TIMMDC1: variants seen among roughly 807,000 people sequenced by gnomAD.
The protein encoded by TIMMDC1 is complex I assembly factor TIMMDC1, mitochondrial.
TIMMDC1 carries 25 observed loss-of-function variants against 32.6 expected under a neutral mutation model. That is an observed-to-expected ratio of 0.77 (90% CI 0.56 to 1.07). TIMMDC1 has a LOEUF of 1.07. Among genes scored for constraint, TIMMDC1 ranks in the 50% least tolerant of loss-of-function variants. TIMMDC1 has a pLI of 0.00. For synonymous variants in TIMMDC1, 130 were observed against 127.6 expected (o/e 1.02, Z -0.13); for missense variants, 329 against 349.2 (o/e 0.94, Z 0.46).
chr3:119,517,136 A>G, intron 5 of TIMMDC1, 69 bp from the exon 6 acceptor site: 1 of 929,532 alleles, frequency 1.1e-6, no homozygotes, highest in Non-Finnish European at 1.7e-6. Context: ...ACACCTTAGC[A>G]GAGAATCTCA....
chr3:119,518,056 G>A (rs953991074), intron 6 of TIMMDC1, among the ~76,000 whole-genome samples: 1 of 149,600 alleles, frequency 6.7e-6, no homozygotes, highest in African/African-American at 2.5e-5. Context: ...ATTTCTTGCT[G>A]TAGATGCAGA....
chr3:119,503,091 A>G (rs1292463979), intron 2 of TIMMDC1, among the ~76,000 whole-genome samples: 3 of 152,202 alleles, frequency 2.0e-5, no homozygotes, highest in Non-Finnish European at 4.4e-5. Flanking sequence ...AATTCATTAC[A>G]GGTTGAGCAG....
At chr3:119,517,955 G>A (rs965928587) in intron 6 of TIMMDC1, among the ~76,000 whole-genome samples, 8 of 150,424 alleles carry the variant, frequency 5.3e-5, no homozygotes, top group African/African-American at 1.5e-4. Flanking sequence ...AGCAAGACTC[G>A]GTCTCAAAAA....
intron 4 of TIMMDC1, among the ~76,000 whole-genome samples, chr3:119,508,709 A>T (rs916675830): frequency 1.3e-5 from 2 of 152,186 alleles, no homozygotes; most frequent in Non-Finnish European, 2.9e-5. Context: ...CAGGTTCTCA[A>T]GTCATTTTGG....
chr3:119,505,739 G>A (rs1353601551), intron 4 of TIMMDC1, among the ~76,000 whole-genome samples: 1 of 152,136 alleles, frequency 6.6e-6, no homozygotes, highest in African/African-American at 2.4e-5. Context: ...ATAATACAAA[G>A]GGCAGTCTCT....
At chr3:119,508,060 C>T (rs1028534497) in intron 4 of TIMMDC1, among the ~76,000 whole-genome samples, 5 of 152,160 alleles carry the variant, frequency 3.3e-5, no homozygotes, top group Admixed American at 6.5e-5. Context: ...AACCATTTAT[C>T]TTGAGGGCAG....
intron 4 of TIMMDC1, among the ~76,000 whole-genome samples, chr3:119,512,434 A>G (rs921913595): frequency 1.3e-5 from 2 of 152,016 alleles, no homozygotes; most frequent in Admixed American, 1.3e-4. Flanking sequence ...GTGTGCCGCC[A>G]TGCCCGGCTA....
At chr3:119,500,670 C>T in intron 1 of TIMMDC1, 25 bp from the exon 2 acceptor site, 8 of 1,602,620 alleles carry the variant, frequency 5.0e-6, no homozygotes, top group Non-Finnish European at 6.8e-6. Context: ...TAATCCCAAA[C>T]AACATTGTCT....
intron 6 of TIMMDC1, 97 bp downstream of exon 6, chr3:119,517,412 A>C: frequency 1.4e-6 from 1 of 713,388 alleles, no homozygotes; most frequent in Non-Finnish European, 2.5e-6. Flanking sequence ...ACTGCCACTC[A>C]ATTCAAAGAA....
In TIMMDC1 at chr3:119,498,878, T is replaced by A. The variant is rs778626926; in HGVS notation, c.145T>A (p.Tyr49Asn). The A allele has an allele frequency of 2.5e-6, 4 of 1,614,162 alleles. No homozygotes were observed. The highest frequency in any genetic ancestry group is 3.4e-6 in the Non-Finnish European group (4 of 1,180,028). The change falls in exon 1 of 7, where the codon TAT (tyrosine) becomes AAT (asparagine). Residue 49 changes from tyrosine to asparagine, a missense_variant. Physicochemically the swap from Tyr to Asn is moderately radical, Grantham distance 143 (BLOSUM62 -2). Transcript: ENST00000494664. ...GCGGCTTCCCTACGTCCCAGAGCCC[T>A]ATTACCCGGAATCTGGATGGGACCG... is the stretch of plus-strand genomic sequence containing the variant. ...QKRLPYVPEPYYPESGWDRLR... is the reference protein window; with the variant it reads ...QKRLPYVPEPNYPESGWDRLR...
At chr3:119,499,057 G>T in intron 1 of TIMMDC1, 130 bp downstream of exon 1, 3 of 670,764 alleles carry the variant, frequency 4.5e-6, no homozygotes, top group Non-Finnish European at 5.1e-6. Flanking sequence ...TTGAGGTTCT[G>T]ATATTTGTAA....
chr3:119,515,598 T>G (rs548273417), intron 5 of TIMMDC1, among the ~76,000 whole-genome samples: 1 of 152,238 alleles, frequency 6.6e-6, no homozygotes, highest in African/African-American at 2.4e-5. Flanking sequence ...GGCAGGATAT[T>G]TGGGGGGACC....
chr3:119,499,248 C>G (rs1473649604), intron 1 of TIMMDC1, among the ~76,000 whole-genome samples: 2 of 150,990 alleles, frequency 1.3e-5, no homozygotes, highest in Non-Finnish European at 3.0e-5. Context: ...CGCGCACCAC[C>G]ACGCCCGGCT....
chr3:119,503,600 A>C lies in TIMMDC1; in HGVS notation c.429A>C (p.Ala143=), dbSNP rs756320402. 6.2e-7 allele frequency: 1 copy of C among 1,611,272 alleles called. No homozygotes were observed. Among genetic ancestry groups the C allele is most frequent in the Admixed American group, 1.7e-5 (1 of 59,480 alleles). The change falls in exon 3 of 7, where the codon GCA becomes GCC. Residue 143 remains alanine (A), a synonymous_variant. Coordinates refer to ENST00000494664, the MANE Select transcript of TIMMDC1 (RefSeq NM_016589.4). ...GCTGGCGCTGGGGTTGGAGAACTGC[A>C]GTGTTTGTGACTATATTCAAGTAAG... is the stretch of plus-strand genomic sequence containing the variant. ...RYGWRWGWRT[A]VFVTIFNTVN... is the part of the protein sequence containing the mutation.
intron 4 of TIMMDC1, among the ~76,000 whole-genome samples, chr3:119,507,901 T>G (rs2081928319): frequency 6.6e-6 from 1 of 152,182 alleles, no homozygotes; most frequent in Non-Finnish European, 1.5e-5. Flanking sequence ...GCTTTTCAGT[T>G]TTTTTCCTCT....
chr3:119,503,879 G>T, intron 3 of TIMMDC1, 75 bp from the exon 4 acceptor site: 1 of 1,308,722 alleles, frequency 7.6e-7, no homozygotes, highest in East Asian at 2.3e-5. Flanking sequence ...TATTAAGTCA[G>T]TGAAAATAAC....
chr3:119,522,079 A>G (rs2082030030), intron 6 of TIMMDC1, among the ~76,000 whole-genome samples: 1 of 152,192 alleles, frequency 6.6e-6, no homozygotes, highest in Non-Finnish European at 1.5e-5. Context: ...AGGAAAAGAA[A>G]CCAGCATATC....
chr3:119,510,096 G>C (rs1190185400), intron 4 of TIMMDC1, among the ~76,000 whole-genome samples: 1 of 152,068 alleles, frequency 6.6e-6, no homozygotes, highest in African/African-American at 2.4e-5. Flanking sequence ...AGGGGAAAAA[G>C]GCAGTGCTTT....
chr3:119,512,399 C>T (rs2081958064), intron 4 of TIMMDC1, among the ~76,000 whole-genome samples: 1 of 152,164 alleles, frequency 6.6e-6, no homozygotes, highest in African/African-American at 2.4e-5. Flanking sequence ...CTGCCTCAGC[C>T]TCCTGAGTAG....
Sources: allele counts gnomAD v4.1 joint callset (sites outside exome capture counted in the v4.1 genomes callset), GRCh38; gene constraint gnomAD v4.1.1; transcripts MANE v1.5; gene names NCBI Gene and HGNC (gene_info 2026-07-23, HGNC 2026-07-21).